The following ARHGAP28 variants were observed in gnomAD, a reference collection of about 807,000 sequenced individuals.
ARHGAP28 encodes the protein rho GTPase-activating protein 28.
A neutral mutation model predicts 90.7 loss-of-function variants in ARHGAP28; 56 were observed. The ratio of observed to expected loss-of-function variants is 0.62; its 90% confidence interval spans 0.50 to 0.77. The LOEUF is 0.77. Ranked by LOEUF, ARHGAP28 falls within the 30% of genes least tolerant of loss-of-function variation. ARHGAP28 has a pLI of 0.00. For synonymous variants in ARHGAP28, 308 were observed against 323.3 expected (o/e 0.95, Z 0.51); for missense variants, 869 against 900.9 (o/e 0.96, Z 0.45).
intron 2 of ARHGAP28, among the ~76,000 whole-genome samples, chr18:6,832,097 T>C (rs912384873): frequency 6.6e-6 from 1 of 152,072 alleles, no homozygotes; most frequent in African/African-American, 2.4e-5. Flanking sequence ...TTTTTGAATA[T>C]GTACAGTTCT....
intron 14 of ARHGAP28, 52 bp downstream of exon 14, chr18:6,890,595 C>T (rs1019664295): frequency 1.8e-6 from 2 of 1,101,666 alleles, no homozygotes; most frequent in Admixed American, 4.7e-5. Context: ...ATTTGTACTC[C>T]TCAAAGGGGG....
At chr18:6,818,148 A>T (rs2143730447) in intron 1 of ARHGAP28, among the ~76,000 whole-genome samples, 1 of 152,134 alleles carries the variant, frequency 6.6e-6, no homozygotes, top group African/African-American at 2.4e-5. Context: ...TCCCCATTTT[A>T]CTGTTTAGGA....
chr18:6,812,353 C>T (rs185175292), intron 1 of ARHGAP28, among the ~76,000 whole-genome samples: 191 of 152,232 alleles, frequency 1.3e-3, no homozygotes, highest in Non-Finnish European at 1.9e-3. Context: ...AAGTGAAATG[C>T]AAGATCTTAT....
intron 1 of ARHGAP28, among the ~76,000 whole-genome samples, chr18:6,773,598 G>T (rs750001400): frequency 4.6e-5 from 7 of 152,128 alleles, no homozygotes; most frequent in Non-Finnish European, 1.0e-4. Context: ...TTTTCAACCA[G>T]ACCCTTGCCT....
intron 1 of ARHGAP28, among the ~76,000 whole-genome samples, chr18:6,802,535 G>A (rs563007707): frequency 4.6e-5 from 7 of 151,552 alleles, no homozygotes; most frequent in East Asian, 1.9e-4. Context: ...TAATAGAGAC[G>A]GGGTTTCACC....
intron 15 of ARHGAP28, among the ~76,000 whole-genome samples, chr18:6,895,737 T>G (rs181523580): frequency 6.6e-6 from 1 of 152,334 alleles, no homozygotes; most frequent in African/African-American, 2.4e-5. Flanking sequence ...CTTAACTAAT[T>G]ACATCTGCAA....
chr18:6,802,940 T>C (rs2056492846), intron 1 of ARHGAP28, among the ~76,000 whole-genome samples: 2 of 152,180 alleles, frequency 1.3e-5, no homozygotes, highest in South Asian at 4.1e-4. Flanking sequence ...ATATTACTCA[T>C]GTATCATAAC....
intron 3 of ARHGAP28, among the ~76,000 whole-genome samples, chr18:6,842,813 A>G (rs1300558276): frequency 6.6e-6 from 1 of 152,154 alleles, no homozygotes; most frequent in Admixed American, 6.5e-5. Flanking sequence ...ATACGGGATT[A>G]TGACACCTCT....
At chr18:6,854,893 G>A (rs2056940145) in intron 4 of ARHGAP28, among the ~76,000 whole-genome samples, 1 of 152,206 alleles carries the variant, frequency 6.6e-6, no homozygotes, top group African/African-American at 2.4e-5. Flanking sequence ...CCACTCCAGT[G>A]TGGAGCAAAG....
intron 2 of ARHGAP28, among the ~76,000 whole-genome samples, chr18:6,831,438 A>C (rs1187788461): frequency 4.1e-5 from 6 of 145,360 alleles, no homozygotes; most frequent in African/African-American, 1.5e-4. Flanking sequence ...TGTTGCTGGC[A>C]TATAGAAATA....
rs543881253 is a variant in ARHGAP28 at position 6,914,644 on chromosome 18, T to C, written c.*2490T>C. ...AATTCATAAAAAAGACTCATATCTTTGCAAACAAAAGAAGGGCAGATACTG... is the reference window on the plus strand; with the variant it reads ...AATTCATAAAAAAGACTCATATCTTCGCAAACAAAAGAAGGGCAGATACTG... On this transcript the variant is annotated 3_prime_UTR_variant, in exon 18 of 18. Transcript: ENST00000383472. 10 of 152,318 alleles carry C rather than the reference T, an allele frequency of 6.6e-5. No individual in the cohort carries two copies. Among genetic ancestry groups the C allele is most frequent in the African/African-American group, 2.2e-4 (9 of 41,580 alleles). 9.4% of individuals were successfully genotyped at this position (152,318 alleles called of 1,614,324 possible). A position where few individuals can be genotyped will look rare whatever the true frequency, so the allele number is the denominator to read the frequency against.
chr18:6,912,053 C>T lies in ARHGAP28; in HGVS notation c.2096-7C>T, dbSNP rs926134788. 1 of 1,577,020 alleles carries T rather than the reference C, an allele frequency of 6.3e-7. No homozygotes were observed. Among genetic ancestry groups the T allele is most frequent in the African/African-American group, 1.4e-5 (1 of 73,958 alleles). ...CACTAATTCTCTGATCTTTCTCTTTCTTTTAGGAGAGCATTGCTTGGATCC... is the reference window on the plus strand; with the variant it reads ...CACTAATTCTCTGATCTTTCTCTTTTTTTTAGGAGAGCATTGCTTGGATCC... On this transcript the variant is annotated splice_polypyrimidine_tract_variant and splice_region_variant and intron_variant, in intron 17 of 17. Coordinates refer to ENST00000383472, the MANE Select transcript of ARHGAP28 (RefSeq NM_001366230.1).
chr18:6,859,715 A>C, intron 4 of ARHGAP28, 93 bp from the exon 5 acceptor site: 1 of 1,233,692 alleles, frequency 8.1e-7, no homozygotes, highest in Non-Finnish European at 1.2e-6. Flanking sequence ...ATATATTGCC[A>C]CACATATCTC....
chr18:6,843,009 T>G (rs549684880), intron 3 of ARHGAP28, among the ~76,000 whole-genome samples: 39 of 152,292 alleles, frequency 2.6e-4, no homozygotes, highest in African/African-American at 9.4e-4. Context: ...TTAAAAGACA[T>G]GTACATATGG....
intron 3 of ARHGAP28, among the ~76,000 whole-genome samples, chr18:6,849,214 C>G (rs913879878): frequency 4.9e-5 from 7 of 143,222 alleles, no homozygotes; most frequent in Non-Finnish European, 1.1e-4. Context: ...GCTGTGATCT[C>G]ACTGTTAAAC....
At chr18:6,819,751 AT>A (rs2056614748) in intron 1 of ARHGAP28, among the ~76,000 whole-genome samples, 1 of 152,210 alleles carries the variant, frequency 6.6e-6, no homozygotes, top group Admixed American at 6.5e-5. Context: ...CATGGTGTTT[AT>A]CTCAAAACGC....
At chr18:6,895,137 G>C (rs1016027312) in intron 15 of ARHGAP28, among the ~76,000 whole-genome samples, 1 of 152,116 alleles carries the variant, frequency 6.6e-6, no homozygotes, top group Non-Finnish European at 1.5e-5. Context: ...TGCAGTCATC[G>C]GTAAGTAATG....
chr18:6,842,906 A>G (rs56931411), intron 3 of ARHGAP28, among the ~76,000 whole-genome samples: 1,781 of 152,292 alleles, frequency 0.012, 38 homozygotes, highest in African/African-American at 0.041. Flanking sequence ...ATAACATTTG[A>G]CATGTGCCCA....
chr18:6,878,952 G>A lies in ARHGAP28; in HGVS notation c.1290+2744G>A, dbSNP rs187300875. Among the ~76,000 whole-genome samples the A allele has an allele frequency of 6.6e-5, 10 of 151,980 alleles. No homozygotes were observed. In the South Asian group the frequency reaches 1.5e-3, roughly 22 times the overall value. ...TAAAAACTCCATTATAATTATCCTC[G>A]GATTGAACCAAGTCGATGATACCAG... On this transcript the variant is annotated intron_variant, in intron 10 of 17. Coordinates refer to ENST00000383472, the MANE Select transcript of ARHGAP28 (RefSeq NM_001366230.1).
Sources: allele counts gnomAD v4.1 joint callset (sites outside exome capture counted in the v4.1 genomes callset), GRCh38; gene constraint gnomAD v4.1.1; transcripts MANE v1.5; gene names NCBI Gene and HGNC (gene_info 2026-07-23, HGNC 2026-07-21).